Variants in SULF1 observed in about 807,000 individuals in gnomAD.
SULF1 encodes sulfatase 1.
In SULF1, 46 loss-of-function variants were observed where a neutral mutation model predicts 110.5. The ratio of observed to expected loss-of-function variants is 0.42; its 90% CI spans 0.33 to 0.53. The LOEUF (loss-of-function observed/expected upper bound fraction) is 0.53, where lower values mean the gene tolerates loss of function less well. Ranked by LOEUF, SULF1 falls within the 20% of genes least tolerant of loss-of-function variation. SULF1 has a pLI of 0.12. For synonymous variants in SULF1, 371 were observed against 387.1 expected (o/e 0.96, Z 0.49); for missense variants, 941 against 1,094.2 (o/e 0.86, Z 1.98).
At chr8:69,509,482 A>G (rs1229691314) in intron 3 of SULF1, among the ~76,000 whole-genome samples, 2 of 152,252 alleles carry the variant, frequency 1.3e-5, no homozygotes, top group Admixed American at 6.5e-5. Flanking sequence ...CACATACTGT[A>G]TTAGATACTT....
chr8:69,499,179 A>AT (rs1291662083), intron 2 of SULF1, among the ~76,000 whole-genome samples: 2 of 152,202 alleles, frequency 1.3e-5, no homozygotes, highest in Non-Finnish European at 1.5e-5. Flanking sequence ...ATTATTATCT[A>AT]TTAAAATGTT....
chr8:69,531,403 G>A (rs554005164), intron 3 of SULF1, among the ~76,000 whole-genome samples: 2 of 152,260 alleles, frequency 1.3e-5, no homozygotes, highest in Non-Finnish European at 2.9e-5. Context: ...AATGAGCTCT[G>A]AAGATAGTTT....
intron 3 of SULF1, among the ~76,000 whole-genome samples, chr8:69,511,624 CT>C (rs1811563524): frequency 6.6e-6 from 1 of 152,228 alleles, no homozygotes; most frequent in Admixed American, 6.5e-5. Context: ...CCATATACCC[CT>C]GTCCTCACAC....
intron 1 of SULF1, among the ~76,000 whole-genome samples, chr8:69,473,988 C>G (rs1020991387): frequency 6.6e-6 from 1 of 152,252 alleles, no homozygotes; most frequent in African/African-American, 2.4e-5. Context: ...TCCTTGTATT[C>G]CTTTGATGAC....
At chr8:69,572,844 A>G (rs1442929543) in intron 5 of SULF1, among the ~76,000 whole-genome samples, 1 of 152,084 alleles carries the variant, frequency 6.6e-6, no homozygotes, top group African/African-American at 2.4e-5. Flanking sequence ...TTTTGTTTTT[A>G]TGAGACAGAG....
rs572600532 is a variant in SULF1, at chr8:69,564,491, G to A, written c.172+344G>A. The stretch of plus-strand genomic sequence containing the variant: ...AAGTTGTTTCAAAGAGTATGAGGAT[G>A]TGACTGTAATTTTATGCAATGGATA... On this transcript the variant is annotated intron_variant, in intron 5 of 22. Transcript: ENST00000402687. Among the ~76,000 whole-genome samples, 500 of 152,328 alleles carry A rather than the reference G, an allele frequency of 3.3e-3. 3 individuals are homozygous for A. The highest frequency in any genetic ancestry group is 4.4e-3 in the Non-Finnish European group (300 of 68,030).
intron 3 of SULF1, among the ~76,000 whole-genome samples, chr8:69,545,064 T>A (rs1814153321): frequency 2.7e-5 from 4 of 148,094 alleles, no homozygotes. Context: ...TCCTAAAAAA[T>A]TATAAAAAGA....
intron 15 of SULF1, among the ~76,000 whole-genome samples, chr8:69,626,973 C>T (rs1407742958): frequency 6.6e-6 from 1 of 152,246 alleles, no homozygotes; most frequent in African/African-American, 2.4e-5. Context: ...TGGGAGCCTA[C>T]GCAGAGGAGG....
chr8:69,555,267 G>A (rs1815035790), intron 3 of SULF1, among the ~76,000 whole-genome samples: 1 of 152,164 alleles, frequency 6.6e-6, no homozygotes, highest in South Asian at 2.1e-4. Flanking sequence ...GGGAGGCCAA[G>A]GGAAGGAGGA....
intron 14 of SULF1, among the ~76,000 whole-genome samples, chr8:69,622,285 G>GA (rs1586572241): frequency 1.3e-5 from 2 of 152,066 alleles, no homozygotes; most frequent in African/African-American, 4.8e-5. Context: ...TCAAATTTCT[G>GA]AAAATCAATA....
chr8:69,499,230 A>G (rs749845119), intron 2 of SULF1, among the ~76,000 whole-genome samples: 1 of 152,214 alleles, frequency 6.6e-6, no homozygotes, highest in Non-Finnish European at 1.5e-5. Context: ...AAGTTGTTTT[A>G]TGTTTGTATA....
chr8:69,613,843 C>CGTT (rs1808860980), intron 13 of SULF1, among the ~76,000 whole-genome samples: 2 of 152,052 alleles, frequency 1.3e-5, no homozygotes, highest in Non-Finnish European at 2.9e-5. Context: ...AACACTCAAA[C>CGTT]AATCTATTCT....
upstream of SULF1, among the ~76,000 whole-genome samples, chr8:69,488,435 GATAAAA>G (rs1198524097): frequency 1.3e-5 from 2 of 152,200 alleles, no homozygotes; most frequent in African/African-American, 4.8e-5. Context: ...AGGTGAGAAT[GATAAAA>G]ATTAAAAACA....
chr8:69,604,287 C>A (rs969386546), intron 12 of SULF1, among the ~76,000 whole-genome samples: 3 of 152,154 alleles, frequency 2.0e-5, no homozygotes, highest in African/African-American at 7.2e-5. Context: ...ATCCTCCCCA[C>A]GTTCTTCTCT....
chr8:69,638,195 T>C (rs780692738), intron 19 of SULF1: 7 of 280,428 alleles, frequency 2.5e-5, no homozygotes, highest in Non-Finnish European at 3.3e-5. Context: ...CATACTTCCG[T>C]CACTCACCCC....
Position 69,638,848 on chromosome 8 carries a change from T to G in SULF1, c.2541T>G (p.Asn847Lys). 1 of 1,603,924 alleles carries G rather than the reference T, an allele frequency of 6.2e-7. No homozygotes were observed. The highest frequency in any genetic ancestry group is 1.1e-5 in the South Asian group (1 of 87,958). The change falls in exon 21 of 23, where the codon AAT (asparagine) becomes AAG (lysine). Residue 847 changes from asparagine (N) to lysine (K), a missense_variant. Transcript: ENST00000402687. ...AGCAGTGCAACCCAAGACCTAAGAA[T>G]CTTGATGTTGGTAAGGAAAAAAATA... is the stretch of plus-strand genomic sequence containing the variant. The part of the protein sequence containing the change: ...GYKQCNPRPK[N>K]LDVGNKDGGS...
intron 3 of SULF1, among the ~76,000 whole-genome samples, chr8:69,558,534 G>A (rs1444665034): frequency 6.6e-6 from 1 of 152,144 alleles, no homozygotes; most frequent in Non-Finnish European, 1.5e-5. Context: ...GTAAAATTTT[G>A]TGTTATCCTT....
chr8:69,497,128 G>A (rs951541048), intron 2 of SULF1, among the ~76,000 whole-genome samples: 4 of 151,526 alleles, frequency 2.6e-5, no homozygotes, highest in South Asian at 2.1e-4. Context: ...CCAAGGTGAC[G>A]GAAGCTAAAA....
At chr8:69,564,260 A>G (rs944327578) in intron 5 of SULF1, 113 bp downstream of exon 5, 1 of 1,265,620 alleles carries the variant, frequency 7.9e-7, no homozygotes, top group Non-Finnish European at 1.1e-6. Context: ...CACATTAACC[A>G]ACACCCTAGT....
Sources: allele counts gnomAD v4.1 joint callset (sites outside exome capture counted in the v4.1 genomes callset), GRCh38; gene constraint gnomAD v4.1.1; transcripts MANE v1.5; gene names NCBI Gene and HGNC (gene_info 2026-07-23, HGNC 2026-07-21).